KLRG2: variants seen among roughly 807,000 people sequenced by gnomAD.
KLRG2 encodes killer cell lectin-like receptor subfamily G member 2.
In KLRG2, 39 loss-of-function variants were observed where a neutral mutation model predicts 35.4. The observed-to-expected ratio is 1.10, with a 90% CI of 0.85 to 1.44. The LOEUF (loss-of-function observed/expected upper bound fraction) is 1.44. Among genes scored for constraint, KLRG2 ranks in the 40% most tolerant of loss-of-function variants. KLRG2 has a pLI of 0.00. For synonymous variants in KLRG2, 283 were observed against 265.8 expected (o/e 1.06, Z -0.63); for missense variants, 632 against 570.9 (o/e 1.11, Z -1.09).
chr7:139,439,902 C>T, the KLRG2 span, among the ~76,000 whole-genome samples: 1 of 152,072 alleles, frequency 6.6e-6, no homozygotes, highest in Admixed American at 6.6e-5. Context: ...AAACCAAAAA[C>T]CCAGAAATTT....
intron 3 of KLRG2, among the ~76,000 whole-genome samples, chr7:139,457,016 G>A (rs1796489178): frequency 6.6e-6 from 1 of 152,178 alleles, no homozygotes; most frequent in African/African-American, 2.4e-5. Context: ...CCCATCTTCT[G>A]CCCCTCAAGG....
At chr7:139,434,808 C>T in the KLRG2 span, among the ~76,000 whole-genome samples, 36 of 152,214 alleles carry the variant, frequency 2.4e-4, no homozygotes, top group African/African-American at 8.2e-4. Context: ...AAACAGACTT[C>T]GGTTTGAGCC....
Position 139,453,508 on chromosome 7 carries a change from C to G in KLRG2, c.*79G>C. 1 of 1,470,092 alleles carries G rather than the reference C, an allele frequency of 6.8e-7. No individual in the cohort carries two copies. The highest frequency in any genetic ancestry group is 9.2e-7 in the Non-Finnish European group (1 of 1,087,790). 91.1% of individuals were successfully genotyped at this position (1,470,092 alleles called of 1,614,324 possible). ...CTGGATAACTGGGTCCAGGAAGAGGCTGCCCAAGCTCTCAACTGGCCTCCC... is the reference window on the plus strand; with the variant it reads ...CTGGATAACTGGGTCCAGGAAGAGGGTGCCCAAGCTCTCAACTGGCCTCCC... On this transcript the variant is annotated 3_prime_UTR_variant, in exon 5 of 5. Transcript: ENST00000340940.
the KLRG2 span, among the ~76,000 whole-genome samples, chr7:139,429,764 T>C: frequency 3.9e-5 from 6 of 152,188 alleles, no homozygotes; most frequent in African/African-American, 1.2e-4. Flanking sequence ...AAGTCTCCCA[T>C]GTCCTCTTTC....
At position 139,479,655 on chromosome 7, in the gene KLRG2, G is replaced by C; in HGVS notation, c.977C>G (p.Ala326Gly). 1 of 1,613,534 alleles carries C rather than the reference G, an allele frequency of 6.2e-7. No individual in the cohort carries two copies. Among genetic ancestry groups the C allele is most frequent in the South Asian group, 1.1e-5 (1 of 91,082 alleles). The change falls in exon 3 of 5, where the codon GCT becomes GGT. Residue 326 changes from alanine (A) to glycine (G), a missense_variant. Ala to Gly is a moderately conservative substitution (Grantham distance 60). Coordinates refer to ENST00000340940, the MANE Select transcript of KLRG2 (RefSeq NM_198508.4). ...ASQAFCSAYH[A>G]TLPLLSHTQD... is the part of the protein sequence containing the mutation. The stretch of plus-strand genomic sequence containing the variant: ...GGTGTGGCTTAGCAGGGGGAGGGTA[G>C]CGTGGTAGGCTGAGCAGAAAGCCTG...
At chr7:139,472,919 T>C (rs575134010) in intron 3 of KLRG2, among the ~76,000 whole-genome samples, 1 of 152,326 alleles carries the variant, frequency 6.6e-6, no homozygotes, top group South Asian at 2.1e-4. Flanking sequence ...GCAGAGCTAT[T>C]CGGAAAGACG....
intron 3 of KLRG2, among the ~76,000 whole-genome samples, chr7:139,475,395 G>T (rs990695328): frequency 6.6e-6 from 1 of 152,052 alleles, no homozygotes; most frequent in Admixed American, 6.6e-5. Context: ...GCCAGGCGTG[G>T]TGGCGGGCGC....
At chr7:139,430,246 T>C in the KLRG2 span, among the ~76,000 whole-genome samples, 1 of 151,554 alleles carries the variant, frequency 6.6e-6, no homozygotes, top group African/African-American at 2.4e-5. Flanking sequence ...CTACTAAAAA[T>C]ACAAAATTAG....
chr7:139,482,057 T>C (rs1796970073), intron 1 of KLRG2, among the ~76,000 whole-genome samples: 2 of 152,330 alleles, frequency 1.3e-5, no homozygotes, highest in South Asian at 4.1e-4. Context: ...TTCTTCTGTG[T>C]CAAGCTCCCC....
intron 1 of KLRG2, among the ~76,000 whole-genome samples, chr7:139,480,743 C>T (rs1242233025): frequency 8.1e-6 from 1 of 123,814 alleles, no homozygotes; most frequent in Non-Finnish European, 1.6e-5. Context: ...ACGCGTCTGG[C>T]CCTTTTTTTT....
the KLRG2 span, among the ~76,000 whole-genome samples, chr7:139,444,183 G>A: frequency 6.6e-6 from 1 of 152,098 alleles, no homozygotes; most frequent in African/African-American, 2.4e-5. Flanking sequence ...CCATACTGAG[G>A]GTGGGTCTGC....
intron 3 of KLRG2, among the ~76,000 whole-genome samples, chr7:139,454,844 AAT>A (rs1796438095): frequency 1.4e-5 from 2 of 139,620 alleles, no homozygotes; most frequent in Non-Finnish European, 3.0e-5. Flanking sequence ...TAATAATAAT[AAT>A]AATAATAATA....
chr7:139,481,227 T>A (rs1796954461), intron 1 of KLRG2, among the ~76,000 whole-genome samples: 1 of 152,170 alleles, frequency 6.6e-6, no homozygotes, highest in Non-Finnish European at 1.5e-5. Flanking sequence ...GCAGCCCCAC[T>A]GAAAACTCGA....
chr7:139,455,481 C>G (rs528924840), intron 3 of KLRG2, among the ~76,000 whole-genome samples: 33 of 152,110 alleles, frequency 2.2e-4, no homozygotes, highest in Non-Finnish European at 4.3e-4. Flanking sequence ...GCCACCATGC[C>G]TGGCTAATTT....
intron 3 of KLRG2, among the ~76,000 whole-genome samples, chr7:139,476,568 T>C (rs35190856): frequency 0.085 from 12,882 of 151,998 alleles, 867 homozygotes; most frequent in East Asian, 0.39. Context: ...GCCTCCCAAG[T>C]AGTGGGGACT....
In KLRG2 at chr7:139,469,825, T is replaced by G. The variant is rs1292004981; in HGVS notation, c.1005+9802A>C. 3.3e-5 allele frequency among the ~76,000 whole-genome samples: 5 copies of G among 152,232 alleles called. No homozygotes were observed. The East Asian group carries it at 9.6e-4, about 29-fold the overall frequency. ...ACTAGGAGGAAGATCTGAGGGCTCCTGCTGGACCCTGAGGCCCGGCCATGC... is the reference window on the plus strand; with the variant it reads ...ACTAGGAGGAAGATCTGAGGGCTCCGGCTGGACCCTGAGGCCCGGCCATGC... On this transcript the variant is annotated intron_variant, in intron 3 of 4. Transcript: ENST00000340940.
the KLRG2 span, among the ~76,000 whole-genome samples, chr7:139,435,965 A>C: frequency 6.6e-6 from 1 of 151,406 alleles, no homozygotes; most frequent in Non-Finnish European, 1.5e-5. Context: ...GCAATGGCAC[A>C]ATCTTGGCTC....
chr7:139,469,412 G>C (rs759139820), intron 3 of KLRG2, among the ~76,000 whole-genome samples: 1 of 151,968 alleles, frequency 6.6e-6, no homozygotes, highest in Non-Finnish European at 1.5e-5. Flanking sequence ...TGCCTGCCTC[G>C]GCCTCCCAAA....
downstream of KLRG2, among the ~76,000 whole-genome samples, chr7:139,450,284 C>T (rs555471026): frequency 8.0e-5 from 12 of 150,408 alleles, no homozygotes; most frequent in East Asian, 2.0e-4. Context: ...AGTGCAGTGG[C>T]GCGATCTCGG....
Sources: gnomAD v4.1 joint callset for allele counts (sites outside exome capture counted in the v4.1 genomes callset) on GRCh38, gnomAD v4.1.1 for gene constraint, MANE v1.5 for transcripts, NCBI Gene and HGNC (gene_info 2026-07-23, HGNC 2026-07-21) for gene names.